The following LIMCH1 variants were observed in gnomAD, a reference collection of about 807,000 sequenced individuals.
LIMCH1 encodes LIM and calponin homology domains 1, also known as LIM and calponin homology domains-containing protein 1.
A neutral mutation model predicts 176.5 loss-of-function variants in LIMCH1; 113 were observed. The ratio of observed to expected loss-of-function variants is 0.64; its 90% CI spans 0.55 to 0.75. The LOEUF (loss-of-function observed/expected upper bound fraction) is 0.75. Ranked by LOEUF, LIMCH1 falls within the 30% of genes least tolerant of loss-of-function variation. LIMCH1 has a pLI of 0.00. For synonymous variants in LIMCH1, 619 were observed against 645.9 expected (o/e 0.96, Z 0.63); for missense variants, 1,674 against 1,814.9 (o/e 0.92, Z 1.41).
At chr4:41,531,533 G>A (rs2077314684) in intron 3 of LIMCH1, among the ~76,000 whole-genome samples, 1 of 134,030 alleles carries the variant, frequency 7.5e-6, no homozygotes, top group Non-Finnish European at 1.6e-5. Flanking sequence ...CCTTATACTT[G>A]CCAACTCTCC....
At chr4:41,688,345 A>G (rs761451986) in intron 29 of LIMCH1, among the ~76,000 whole-genome samples, 1 of 152,234 alleles carries the variant, frequency 6.6e-6, no homozygotes. Context: ...CCAGCTCTCT[A>G]ATGATGACTT....
chr4:41,666,676 A>C lies in LIMCH1; in HGVS notation c.3397+10A>C, dbSNP rs764065980. On this transcript the variant is annotated intron_variant, in intron 21 of 31. Transcript: ENST00000503057. Reference sequence around the variant, plus strand: ...AATCTCAATTCTCAAGGTAAAGAGGACATGTTTTATTTTAGGTCTGCATGT... The same window carrying C: ...AATCTCAATTCTCAAGGTAAAGAGGCCATGTTTTATTTTAGGTCTGCATGT... 3.2e-6 allele frequency: 5 copies of C among 1,576,192 alleles called. No homozygotes were observed. Among genetic ancestry groups the C allele is most frequent in the Non-Finnish European group, 3.5e-6 (4 of 1,145,778 alleles).
chr4:41,388,555 G>A (rs953829207), intron 1 of LIMCH1, among the ~76,000 whole-genome samples: 3 of 152,208 alleles, frequency 2.0e-5, no homozygotes, highest in Non-Finnish European at 4.4e-5. Flanking sequence ...TTGTAGTGAT[G>A]GTTGCACAAT....
intron 1 of LIMCH1, among the ~76,000 whole-genome samples, chr4:41,444,162 C>T (rs896194349): frequency 2.0e-5 from 3 of 152,038 alleles, no homozygotes; most frequent in Non-Finnish European, 4.4e-5. Flanking sequence ...TGTAGAGACT[C>T]ATTTGGTTTG....
chr4:41,666,527 C>CTTGCAATATTTATACCTGT, intron 20 of LIMCH1, 34 bp from the exon 21 acceptor site: 3 of 1,382,432 alleles, frequency 2.2e-6, no homozygotes, highest in Non-Finnish European at 2.1e-6. Context: ...ATGGACAGTT[C>CTTGCAATATTTATACCTGT]TTGCAATATT....
intron 31 of LIMCH1, among the ~76,000 whole-genome samples, chr4:41,694,685 A>T (rs1729074676): frequency 6.6e-6 from 1 of 152,094 alleles, no homozygotes; most frequent in South Asian, 2.1e-4. Flanking sequence ...CCCATTTTTT[A>T]ATATTATTTT....
chr4:41,468,756 A>G (rs1189293020), intron 1 of LIMCH1, among the ~76,000 whole-genome samples: 1 of 152,052 alleles, frequency 6.6e-6, no homozygotes, highest in Non-Finnish European at 1.5e-5. Flanking sequence ...CACTTTGGCC[A>G]CCTTTGAGAG....
At chr4:41,404,652 G>A (rs938651902) in intron 1 of LIMCH1, among the ~76,000 whole-genome samples, 2 of 152,074 alleles carry the variant, frequency 1.3e-5, no homozygotes, top group East Asian at 1.9e-4. Context: ...GGTGGTGGGC[G>A]CCTGTAATCC....
At chr4:41,695,238 A>G (rs1455054200) in intron 31 of LIMCH1, among the ~76,000 whole-genome samples, 3 of 151,124 alleles carry the variant, frequency 2.0e-5, no homozygotes, top group Non-Finnish European at 3.0e-5. Context: ...TAAAAGAAAT[A>G]TATGTTTCTT....
intron 8 of LIMCH1, among the ~76,000 whole-genome samples, chr4:41,627,527 G>A (rs1470929232): frequency 6.6e-6 from 1 of 152,146 alleles, no homozygotes; most frequent in Non-Finnish European, 1.5e-5. Flanking sequence ...ACATCACCTA[G>A]ACAAATGATA....
intron 1 of LIMCH1, among the ~76,000 whole-genome samples, chr4:41,547,122 A>G (rs2079546676): frequency 6.6e-6 from 1 of 152,184 alleles, no homozygotes; most frequent in Non-Finnish European, 1.5e-5. Context: ...AAATCAGGCT[A>G]ATTAACTGTC....
intron 1 of LIMCH1, among the ~76,000 whole-genome samples, chr4:41,378,400 A>C (rs1186122024): frequency 6.6e-6 from 1 of 152,226 alleles, no homozygotes; most frequent in Non-Finnish European, 1.5e-5. Context: ...GGGTATTTTT[A>C]GCACCTACCT....
intron 1 of LIMCH1, among the ~76,000 whole-genome samples, chr4:41,583,003 G>A (rs537665839): frequency 6.6e-6 from 1 of 152,312 alleles, no homozygotes; most frequent in South Asian, 2.1e-4. Context: ...GTTCAATGGT[G>A]TTAATACGTT....
intron 1 of LIMCH1, among the ~76,000 whole-genome samples, chr4:41,555,771 G>A (rs113282429): frequency 0.02 from 3,006 of 152,034 alleles, 79 homozygotes; most frequent in African/African-American, 0.06. Context: ...TTTTTGAGAC[G>A]GTCTCATTCT....
intron 21 of LIMCH1, chr4:41,670,763 G>A (rs2094987881): frequency 6.5e-7 from 1 of 1,535,830 alleles, no homozygotes; most frequent in Admixed American, 2.0e-5. Context: ...CAGAACTCTT[G>A]GCGACGATCC....
In LIMCH1 at chr4:41,505,925, G is replaced by GACACACACACACACACAC. The variant is rs36212568; in HGVS notation, c.167+11346_167+11363dup. 4.2e-3 allele frequency among the ~76,000 whole-genome samples: 571 copies of GACACACACACACACACAC among 134,638 alleles called. 10 individuals carry two copies. The highest frequency in any genetic ancestry group is 9.0e-3 in the African/African-American group (315 of 35,056). 88.3% of individuals were successfully genotyped at this position (134,638 alleles called of 152,430 possible). On this transcript the variant is annotated intron_variant, in intron 2 of 26. Transcript: ENST00000313860. ...TATTATTCTCTCTCTCTGTGTTTCT[G>GACACACACACACACACAC]ACACACACACACACACACACACACA...
chr4:41,426,296 C>T (rs2061097042), intron 1 of LIMCH1, among the ~76,000 whole-genome samples: 2 of 152,150 alleles, frequency 1.3e-5, no homozygotes, highest in South Asian at 4.1e-4. Context: ...GCTGGGATTA[C>T]AGGCGTGAGC....
chr4:41,573,055 A>G (rs961338410), intron 1 of LIMCH1, among the ~76,000 whole-genome samples: 1 of 152,222 alleles, frequency 6.6e-6, no homozygotes, highest in Admixed American at 6.5e-5. Context: ...TCTCCAAACC[A>G]ATGTATGGCA....
chr4:41,543,530 G>A lies in LIMCH1; in HGVS notation c.-241+5180G>A, dbSNP rs189315843. Among the ~76,000 whole-genome samples the A allele has an allele frequency of 2.0e-5, 3 of 152,200 alleles. No individual in the cohort carries two copies. In the East Asian group the frequency reaches 5.8e-4, roughly 29 times the overall value. The stretch of plus-strand genomic sequence containing the variant: ...GCACCAAATTAAAGCTTTCTTCTTT[G>A]TCTTTGAGCACAAGAATGAAAGCTG... On this transcript the variant is annotated intron_variant, in intron 1 of 31. Coordinates refer to ENST00000503057, the MANE Select transcript of LIMCH1 (RefSeq NM_001330672.2).
Sources: allele counts gnomAD v4.1 joint callset (sites outside exome capture counted in the v4.1 genomes callset), GRCh38; gene constraint gnomAD v4.1.1; transcripts MANE v1.5; gene names NCBI Gene and HGNC (gene_info 2026-07-23, HGNC 2026-07-21).